Variants in FGF13 observed in about 807,000 individuals in gnomAD.
FGF13 encodes the protein fibroblast growth factor homologous factor 2.
Under a neutral mutation model 19.5 loss-of-function variants are expected in FGF13, and 2 were observed. The ratio of observed to expected loss-of-function variants is 0.10; its 90% confidence interval spans 0.04 to 0.32. FGF13 has a LOEUF of 0.32. Ranked by LOEUF, FGF13 falls within the 10% of genes least tolerant of loss-of-function variation. The pLI, the probability that FGF13 is intolerant of heterozygous loss-of-function variation, is 1.00. For missense variants in FGF13, 113 were observed against 192.7 expected (o/e 0.59, Z 2.45); for synonymous variants, 72 against 76.9 (o/e 0.94, Z 0.33).
At chrX:138,869,251 G>T (rs888209798) in intron 1 of FGF13, among the ~76,000 whole-genome samples, 1 of 111,896 alleles carries the variant, frequency 8.9e-6, no homozygotes, top group Non-Finnish European at 1.9e-5. Context: ...AACCCATCTT[G>T]ACTGACCTTT....
chrX:138,999,223 AG>A (rs1220510557), intron 1 of FGF13, among the ~76,000 whole-genome samples: 1 of 112,326 alleles, frequency 8.9e-6, no homozygotes. Flanking sequence ...AATGTCCACA[AG>A]AAAAAGCAGG....
intron 1 of FGF13, among the ~76,000 whole-genome samples, chrX:139,060,971 G>C (rs906352624): frequency 9.1e-6 from 1 of 110,174 alleles, no homozygotes; most frequent in Non-Finnish European, 1.9e-5. Context: ...CTTCTTTATA[G>C]ACAATGCAGC....
At chrX:138,817,712 A>G (rs1322260701) in intron 3 of FGF13, among the ~76,000 whole-genome samples, 1 of 112,190 alleles carries the variant, frequency 8.9e-6, no homozygotes, top group Non-Finnish European at 1.9e-5. Context: ...CTTGTTCAAG[A>G]AGAAGTAATC....
At chrX:138,899,063 C>T (rs759787327) in intron 1 of FGF13, among the ~76,000 whole-genome samples, 1 of 111,730 alleles carries the variant, frequency 9.0e-6, no homozygotes, top group Non-Finnish European at 1.9e-5. Flanking sequence ...GAATTAGAAA[C>T]CAGATTCAAT....
chrX:138,660,252 A>G (rs1371602184), intron 3 of FGF13, among the ~76,000 whole-genome samples: 1 of 111,581 alleles, frequency 9.0e-6, no homozygotes, highest in Non-Finnish European at 1.9e-5. Flanking sequence ...TTCCAATTTA[A>G]TCTGTAAAAG....
chrX:138,861,317 A>C (rs2091287163), intron 2 of FGF13, among the ~76,000 whole-genome samples: 1 of 112,556 alleles, frequency 8.9e-6, no homozygotes, highest in African/African-American at 3.2e-5. Context: ...GAAAGAACCA[A>C]TCTTATAGTA....
chrX:139,073,141 C>T (rs902653533), intron 1 of FGF13, among the ~76,000 whole-genome samples: 1 of 105,084 alleles, frequency 9.5e-6, no homozygotes, highest in African/African-American at 3.4e-5. Context: ...TTTCCCCCCC[C>T]CCTTTTCTGT....
chrX:138,940,906 T>G (rs1248316783), intron 1 of FGF13, among the ~76,000 whole-genome samples: 1 of 111,658 alleles, frequency 9.0e-6, no homozygotes, highest in Non-Finnish European at 1.9e-5. Flanking sequence ...CATGACTATT[T>G]GGGCACTTTT....
intron 1 of FGF13, among the ~76,000 whole-genome samples, chrX:139,037,440 C>A (rs1458571229): frequency 9.0e-6 from 1 of 111,237 alleles, no homozygotes; most frequent in Non-Finnish European, 1.9e-5. Context: ...AAAAAGATTA[C>A]CATAAATTTA....
downstream of FGF13, chrX:138,857,507 C>T (rs1306349723): frequency 8.4e-7 from 1 of 1,187,146 alleles, no homozygotes; most frequent in Non-Finnish European, 1.1e-6. Flanking sequence ...CTGTCGTGCA[C>T]AAACCTTCCG....
intron 1 of FGF13, among the ~76,000 whole-genome samples, chrX:139,014,998 A>G (rs2092146985): frequency 9.0e-6 from 1 of 111,365 alleles, no homozygotes. Flanking sequence ...CAGAAAAAGG[A>G]TTTGATAAAA....
intron 1 of FGF13, among the ~76,000 whole-genome samples, chrX:139,194,260 T>C (rs1300961079): frequency 1.8e-5 from 2 of 112,340 alleles, no homozygotes; most frequent in Admixed American, 1.9e-4. Context: ...TAGCCATGTC[T>C]ATGTATTATA....
At chrX:139,189,733 C>G (rs968182367) in intron 1 of FGF13, among the ~76,000 whole-genome samples, 2 of 111,799 alleles carry the variant, frequency 1.8e-5, no homozygotes, top group Non-Finnish European at 3.8e-5. Context: ...TGTGAGATAA[C>G]GTTCTGAAGA....
chrX:138,748,515 C>T (rs1191535645), intron 3 of FGF13, among the ~76,000 whole-genome samples: 2 of 111,927 alleles, frequency 1.8e-5, no homozygotes, highest in Non-Finnish European at 3.8e-5. Flanking sequence ...TGATTTTGGA[C>T]TTCTAGCCTC....
At chrX:139,079,212 C>A (rs1569450898) in intron 1 of FGF13, among the ~76,000 whole-genome samples, 1 of 111,113 alleles carries the variant, frequency 9.0e-6, no homozygotes, top group Non-Finnish European at 1.9e-5. Context: ...AGAAAGCATA[C>A]CCTATTTTAC....
intron 1 of FGF13, among the ~76,000 whole-genome samples, chrX:139,184,034 T>C (rs2084260886): frequency 8.9e-6 from 1 of 112,153 alleles, no homozygotes; most frequent in South Asian, 3.7e-4. Context: ...TGCTCATTCT[T>C]CCCAGACATC....
rs773835840 is a variant in FGF13 at position 138,794,395 on chromosome X, T to C, written c.217+63117A>G. On this transcript the variant is annotated intron_variant, in intron 3 of 6. Transcript: ENST00000436198. Reference sequence around the variant, plus strand: ...AATGTCATGATGTTCAGTGAAGGCATGCACTTGAGTAGCTATGAAGATTGG... The same window carrying C: ...AATGTCATGATGTTCAGTGAAGGCACGCACTTGAGTAGCTATGAAGATTGG... Among the ~76,000 whole-genome samples the C allele has an allele frequency of 1.7e-3, 194 of 111,959 alleles. 1 individual carries two copies. In the South Asian group the frequency reaches 0.024, roughly 14 times the overall value.
intron 1 of FGF13, among the ~76,000 whole-genome samples, chrX:138,913,202 T>TTTC (rs1477191335): frequency 2.2e-5 from 2 of 90,839 alleles, no homozygotes; most frequent in Admixed American, 2.5e-4. Flanking sequence ...TTTTTTTTTT[T>TTTC]TTTTTTGAGA....
chrX:139,148,350 A>G (rs2083907312), intron 1 of FGF13, among the ~76,000 whole-genome samples: 1 of 111,705 alleles, frequency 9.0e-6, no homozygotes, highest in African/African-American at 3.3e-5. Flanking sequence ...TACACTACCC[A>G]GGAATTGCTT....
Sources: gnomAD v4.1 joint callset for allele counts (sites outside exome capture counted in the v4.1 genomes callset) on GRCh38, gnomAD v4.1.1 for gene constraint, MANE v1.5 for transcripts, NCBI Gene and HGNC (gene_info 2026-07-23, HGNC 2026-07-21) for gene names.